The following SLC37A3 variants were observed in gnomAD, a reference collection of about 807,000 sequenced individuals.
SLC37A3 encodes the protein sugar phosphate exchanger 3.
SLC37A3 carries 51 observed loss-of-function variants against 67.1 expected under a neutral mutation model. The observed-to-expected ratio is 0.76, with a 90% confidence interval of 0.61 to 0.96. SLC37A3 has a LOEUF of 0.96. Ranked by LOEUF, SLC37A3 falls within the 40% of genes least tolerant of loss-of-function variation. The probability of loss-of-function intolerance (pLI) is 0.00; values close to 1 mark genes in which losing one functional copy is unlikely to be tolerated. For synonymous variants in SLC37A3, 214 were observed against 231.4 expected (o/e 0.92, Z 0.68); for missense variants, 508 against 603.0 (o/e 0.84, Z 1.65).
intron 3 of SLC37A3, among the ~76,000 whole-genome samples, chr7:140,374,359 G>A (rs1015005207): frequency 2.0e-5 from 3 of 152,076 alleles, no homozygotes; most frequent in Non-Finnish European, 4.4e-5. Flanking sequence ...CTAGCCGGGC[G>A]TGGTGGCATG....
intron 6 of SLC37A3, among the ~76,000 whole-genome samples, chr7:140,356,574 T>C (rs911247547): frequency 7.9e-5 from 12 of 151,906 alleles, no homozygotes; most frequent in Non-Finnish European, 1.3e-4. Context: ...TCCCAGCTAC[T>C]TGGGAGGCTG....
chr7:140,387,845 A>AAATATATTGTATATAT (rs1346387553), intron 1 of SLC37A3, among the ~76,000 whole-genome samples: 2 of 101,362 alleles, frequency 2.0e-5, no homozygotes, highest in African/African-American at 7.7e-5. Context: ...ATATAAACAT[A>AAATATATTGTATATAT]TATATATTAG....
intron 5 of SLC37A3, 142 bp downstream of exon 5, chr7:140,364,266 A>C (rs1189807108): frequency 1.4e-6 from 1 of 722,616 alleles, no homozygotes; most frequent in Non-Finnish European, 2.1e-6. Flanking sequence ...GGGAAAAAAA[A>C]GACTCATCTA....
intron 7 of SLC37A3, among the ~76,000 whole-genome samples, chr7:140,352,456 A>C (rs184386083): frequency 8.5e-5 from 13 of 152,348 alleles, no homozygotes; most frequent in Admixed American, 7.2e-4. Context: ...TTTGTATCAC[A>C]TAGCCTCTCA....
chr7:140,337,416 GTAGAT>G, intron 13 of SLC37A3, 67 bp from the exon 14 acceptor site: 1 of 1,319,580 alleles, frequency 7.6e-7, no homozygotes, highest in South Asian at 1.4e-5. Context: ...CAGCTAAAAA[GTAGAT>G]TAAACATGGC....
chr7:140,368,282 G>A (rs1035467406), intron 4 of SLC37A3, among the ~76,000 whole-genome samples: 1 of 152,064 alleles, frequency 6.6e-6, no homozygotes, highest in African/African-American at 2.4e-5. Context: ...AAAGGCCAAG[G>A]ACTCCGAGCG....
chr7:140,374,264 A>T (rs1216752936), intron 3 of SLC37A3, among the ~76,000 whole-genome samples: 1 of 152,190 alleles, frequency 6.6e-6, no homozygotes, highest in East Asian at 1.9e-4. Flanking sequence ...TGGGAGGCCA[A>T]GACAGGTCGA....
intron 13 of SLC37A3, among the ~76,000 whole-genome samples, chr7:140,339,046 T>C (rs570951332): frequency 6.6e-6 from 1 of 152,144 alleles, no homozygotes; most frequent in African/African-American, 2.4e-5. Context: ...AGACAGGGTC[T>C]TTCTCTGTTG....
At chr7:140,339,296 T>C (rs1796263809) in intron 13 of SLC37A3, among the ~76,000 whole-genome samples, 2 of 145,508 alleles carry the variant, frequency 1.4e-5, no homozygotes, top group African/African-American at 5.2e-5. Flanking sequence ...AGTCTTCCTC[T>C]GTCACCCAGG....
Position 140,335,015 on chromosome 7 carries a change from C to T in SLC37A3, c.*397G>A, listed in dbSNP as rs1796076857. The T allele has an allele frequency of 9.8e-6, 5 of 510,900 alleles. No individual in the cohort carries two copies. Among genetic ancestry groups the T allele is most frequent in the Non-Finnish European group, 1.8e-5 (5 of 283,756 alleles). 31.6% of individuals were successfully genotyped at this position (510,900 alleles called of 1,614,324 possible). The stretch of plus-strand genomic sequence containing the variant: ...TCTCTTCCATTTGTGGAACATACCA[C>T]CAACACAAACCACGCGTGGCTTTGC... On this transcript the variant is annotated 3_prime_UTR_variant, in exon 15 of 15. Coordinates refer to ENST00000326232, the MANE Select transcript of SLC37A3 (RefSeq NM_207113.3).
intron 5 of SLC37A3, among the ~76,000 whole-genome samples, chr7:140,361,205 AGGTGCGGTGGCT>A (rs1797256246): frequency 1.6e-5 from 1 of 62,448 alleles, no homozygotes; most frequent in Non-Finnish European, 5.1e-5. Context: ...GGATAGGGCC[AGGTGCGGTGGCT>A]CACACCTGTA....
Position 140,393,018 on chromosome 7 carries a change from G to C in SLC37A3, c.-71+5398C>G, listed in dbSNP as rs560381615. 5.3e-5 allele frequency among the ~76,000 whole-genome samples: 8 copies of C among 152,236 alleles called. No individual in the cohort carries two copies. In the South Asian group the frequency reaches 8.3e-4, roughly 16 times the overall value. ...GAAGCAGGAGAATCGCTTGAACCCA[G>C]GAGGTGGAGGTTGCAGTGAGCTGAG... is the stretch of plus-strand genomic sequence containing the variant. On this transcript the variant is annotated intron_variant, in intron 1 of 14. Coordinates refer to ENST00000326232, the MANE Select transcript of SLC37A3 (RefSeq NM_207113.3).
intron 4 of SLC37A3, 65 bp from the exon 5 acceptor site, chr7:140,364,556 C>G: frequency 7.0e-7 from 1 of 1,420,394 alleles, no homozygotes; most frequent in African/African-American, 1.4e-5. Flanking sequence ...GTAACATGCA[C>G]TGCAAAGCAA....
intron 5 of SLC37A3, among the ~76,000 whole-genome samples, chr7:140,361,970 A>C (rs1228396367): frequency 7.3e-6 from 1 of 137,640 alleles, no homozygotes; most frequent in South Asian, 2.6e-4. Context: ...CCCAGCCGCC[A>C]CCCTGTCTGG....
intron 1 of SLC37A3, among the ~76,000 whole-genome samples, chr7:140,383,160 C>T (rs185333614): frequency 2.0e-5 from 3 of 151,464 alleles, no homozygotes; most frequent in African/African-American, 7.3e-5. Flanking sequence ...AGTAGCTGCC[C>T]TTTTATTCCT....
intron 3 of SLC37A3, among the ~76,000 whole-genome samples, chr7:140,375,041 G>A (rs1797972863): frequency 8.5e-6 from 1 of 117,726 alleles, no homozygotes. Context: ...AGCTACTTGG[G>A]AGGCTGAGGC....
chr7:140,340,290 ATTCTT>A (rs1348855659), intron 13 of SLC37A3, among the ~76,000 whole-genome samples: 1 of 138,210 alleles, frequency 7.2e-6, no homozygotes, highest in Non-Finnish European at 1.6e-5. Flanking sequence ...GTCCAACCTC[ATTCTT>A]TTTTTTTTTT....
At chr7:140,350,683 G>C (rs1165082289) in intron 9 of SLC37A3, among the ~76,000 whole-genome samples, 1 of 152,140 alleles carries the variant, frequency 6.6e-6, no homozygotes, top group Non-Finnish European at 1.5e-5. Context: ...AGAATCGCTT[G>C]AACCCGGGAG....
intron 5 of SLC37A3, among the ~76,000 whole-genome samples, chr7:140,362,192 C>G (rs1482439039): frequency 7.1e-6 from 1 of 141,488 alleles, no homozygotes; most frequent in Non-Finnish European, 1.6e-5. Flanking sequence ...GGGAGCGCCT[C>G]TGCCCCGCCG....
Sources: gnomAD v4.1 joint callset for allele counts (sites outside exome capture counted in the v4.1 genomes callset) on GRCh38, gnomAD v4.1.1 for gene constraint, MANE v1.5 for transcripts, NCBI Gene and HGNC (gene_info 2026-07-23, HGNC 2026-07-21) for gene names.